HHAT: variants seen among roughly 807,000 people sequenced by gnomAD.
HHAT encodes protein-cysteine N-palmitoyltransferase HHAT.
In HHAT, 47 loss-of-function variants were observed where a neutral mutation model predicts 70.8. That is an observed-to-expected ratio of 0.66 (90% CI 0.53 to 0.85). The LOEUF (loss-of-function observed/expected upper bound fraction) is 0.85, where lower values mean the gene tolerates loss of function less well. HHAT is among the 40% of genes least tolerant of loss of function. HHAT has a pLI of 0.00. For synonymous variants in HHAT, 228 were observed against 247.6 expected (o/e 0.92, Z 0.74); for missense variants, 609 against 604.8 (o/e 1.01, Z -0.07).
At chr1:210,460,522 T>A (rs775644092) in intron 7 of HHAT, among the ~76,000 whole-genome samples, 4 of 152,166 alleles carry the variant, frequency 2.6e-5, no homozygotes, top group Non-Finnish European at 5.9e-5. Flanking sequence ...TTGCCTGTCC[T>A]CGGGGTGTGG....
chr1:210,465,557 T>C (rs1276914066), intron 8 of HHAT, among the ~76,000 whole-genome samples: 3 of 152,208 alleles, frequency 2.0e-5, no homozygotes, highest in Admixed American at 6.5e-5. Context: ...TTTCCCAGGC[T>C]AGTCTCAAAC....
chr1:210,569,715 T>C (rs1272316871), intron 9 of HHAT, among the ~76,000 whole-genome samples: 2 of 152,194 alleles, frequency 1.3e-5, no homozygotes, highest in Non-Finnish European at 2.9e-5. Context: ...CACTTCTTTA[T>C]CTCAGATGTG....
intron 9 of HHAT, among the ~76,000 whole-genome samples, chr1:210,526,750 A>G (rs911555100): frequency 2.6e-5 from 4 of 152,204 alleles, no homozygotes; most frequent in Non-Finnish European, 5.9e-5. Flanking sequence ...TTCTAATATT[A>G]GAGAGCAGCT....
chr1:210,667,885 ATTG>A (rs1346896122), intron 11 of HHAT, among the ~76,000 whole-genome samples: 11 of 152,178 alleles, frequency 7.2e-5, no homozygotes, highest in Non-Finnish European at 1.3e-4. Flanking sequence ...GTACATTCAT[ATTG>A]TTATGCAGTC....
chr1:210,365,309 GTTTT>G (rs4027290), intron 3 of HHAT, among the ~76,000 whole-genome samples: 3 of 78,408 alleles, frequency 3.8e-5, no homozygotes, highest in South Asian at 5.5e-4. Flanking sequence ...ACTGCTGACA[GTTTT>G]TTTTTTTTTT....
intron 11 of HHAT, among the ~76,000 whole-genome samples, chr1:210,640,723 T>G (rs549369066): frequency 6.6e-6 from 1 of 151,782 alleles, no homozygotes; most frequent in South Asian, 2.1e-4. Flanking sequence ...AGCTTTGTTA[T>G]TTGGGATTTT....
intron 11 of HHAT, among the ~76,000 whole-genome samples, chr1:210,629,219 C>T (rs1670408433): frequency 6.6e-6 from 1 of 152,198 alleles, no homozygotes; most frequent in African/African-American, 2.4e-5. Context: ...TACTGTATGC[C>T]ACATGGCCAG....
At chr1:210,423,593 C>T (rs1486008686) in intron 7 of HHAT, among the ~76,000 whole-genome samples, 1 of 152,032 alleles carries the variant, frequency 6.6e-6, no homozygotes, top group Non-Finnish European at 1.5e-5. Flanking sequence ...GCTTTTGTTG[C>T]CTGTGCTTTA....
intron 1 of HHAT, among the ~76,000 whole-genome samples, chr1:210,332,684 G>C (rs1386778562): frequency 2.0e-5 from 3 of 152,132 alleles, no homozygotes; most frequent in Admixed American, 2.0e-4. Flanking sequence ...TTTAATGCAG[G>C]GTGCTTGGTC....
At chr1:210,653,977 T>A in intron 11 of HHAT, among the ~76,000 whole-genome samples, 1 of 212 alleles carries the variant, frequency 4.7e-3, no homozygotes, top group Non-Finnish European at 0.01. Flanking sequence ...AATAGTGTGA[T>A]GGGAATAGTG....
At position 210,623,539 on chromosome 1, in the gene HHAT, C is replaced by A. The variant is rs941758201; in HGVS notation, c.1259C>A (p.Ser420Tyr). 2.5e-6 allele frequency: 4 copies of A among 1,614,054 alleles called. No individual in the cohort carries two copies. Among genetic ancestry groups the A allele is most frequent in the Non-Finnish European group, 2.5e-6 (3 of 1,179,976 alleles). Residue 420 changes from serine to tyrosine, a missense_variant, in exon 11 of 12, where the codon TCC becomes TAC. Coordinates refer to ENST00000261458, the MANE Select transcript of HHAT (RefSeq NM_018194.6). ...CIQDSLARYF[S>Y]PQARRRFHAA... Reference sequence around the variant, plus strand: ...TTTTTCCCGTAGGCCCGATACTTCTCCCCACAAGCTCGCCGTCGATTCCAC... The same window carrying A: ...TTTTTCCCGTAGGCCCGATACTTCTACCCACAAGCTCGCCGTCGATTCCAC...
At chr1:210,474,211 G>T (rs1014088681) in intron 8 of HHAT, among the ~76,000 whole-genome samples, 1 of 152,118 alleles carries the variant, frequency 6.6e-6, no homozygotes, top group Non-Finnish European at 1.5e-5. Flanking sequence ...CACATAGTAG[G>T]CACTTAACAA....
chr1:210,488,110 G>A (rs1326891008), intron 8 of HHAT, among the ~76,000 whole-genome samples: 3 of 152,170 alleles, frequency 2.0e-5, no homozygotes, highest in Non-Finnish European at 4.4e-5. Flanking sequence ...ATCCTGAAGG[G>A]TGGAAGGAAG....
At chr1:210,438,880 C>T (rs910030) in intron 7 of HHAT, among the ~76,000 whole-genome samples, 37,500 of 151,534 alleles carry the variant, frequency 0.25, 5,257 homozygotes, top group Admixed American at 0.36. Flanking sequence ...AGAATCGTAT[C>T]GCTATTTTAC....
At chr1:210,638,466 T>G (rs1018254761) in intron 11 of HHAT, among the ~76,000 whole-genome samples, 6 of 152,146 alleles carry the variant, frequency 3.9e-5, no homozygotes, top group African/African-American at 1.4e-4. Context: ...ATGTCCAGAA[T>G]AGGCAAATCT....
intron 1 of HHAT, among the ~76,000 whole-genome samples, chr1:210,342,333 A>T (rs534605234): frequency 3.7e-4 from 56 of 152,248 alleles, no homozygotes; most frequent in African/African-American, 1.3e-3. Flanking sequence ...ACTCCTTACC[A>T]CTTGGCTCCT....
At chr1:210,577,105 G>T (rs867382992) in intron 9 of HHAT, among the ~76,000 whole-genome samples, 5 of 149,762 alleles carry the variant, frequency 3.3e-5, no homozygotes, top group Non-Finnish European at 5.9e-5. Context: ...GGTTTTTTAC[G>T]TATAAGATCA....
intron 9 of HHAT, among the ~76,000 whole-genome samples, chr1:210,522,767 C>T (rs577355228): frequency 6.6e-6 from 1 of 152,076 alleles, no homozygotes; most frequent in Non-Finnish European, 1.5e-5. Context: ...TCCTTGCCCC[C>T]CACCCCCCAA....
chr1:210,675,833 T>G lies in HHAT; in HGVS notation c.*1454T>G, dbSNP rs1301345997. 2 of 152,274 alleles carry G rather than the reference T, an allele frequency of 1.3e-5. No individual in the cohort carries two copies. The highest frequency in any genetic ancestry group is 4.8e-5 in the African/African-American group (2 of 41,464). 9.4% of individuals were successfully genotyped at this position (152,274 alleles called of 1,614,324 possible). ...CCAGAGAGGGGCAGGTAGACCTGCA[T>G]AGCAGCAGCCTCAGCAGCTGTCTTG... On this transcript the variant is annotated 3_prime_UTR_variant, in exon 12 of 12. Coordinates refer to ENST00000261458, the MANE Select transcript of HHAT (RefSeq NM_018194.6).
Sources: allele counts gnomAD v4.1 joint callset (sites outside exome capture counted in the v4.1 genomes callset), GRCh38; gene constraint gnomAD v4.1.1; transcripts MANE v1.5; gene names NCBI Gene and HGNC (gene_info 2026-07-23, HGNC 2026-07-21).